Variants in ADGRL3 observed in about 807,000 individuals in gnomAD.
ADGRL3 encodes calcium-independent alpha-latrotoxin receptor 3.
In ADGRL3, 62 loss-of-function variants were observed where a neutral mutation model predicts 153.5. The ratio of observed to expected loss-of-function variants is 0.40; its 90% CI spans 0.33 to 0.50. The LOEUF (loss-of-function observed/expected upper bound fraction) is 0.50. ADGRL3 is among the 20% of genes least tolerant of loss of function. The pLI is 0.47. For missense variants in ADGRL3, 1,641 were observed against 1,859.4 expected (o/e 0.88, Z 2.16); for synonymous variants, 710 against 672.5 (o/e 1.06, Z -0.86).
At chr4:61,960,583 T>TAAA (rs1287388721) in intron 17 of ADGRL3, among the ~76,000 whole-genome samples, 1 of 152,238 alleles carries the variant, frequency 6.6e-6, no homozygotes, top group Non-Finnish European at 1.5e-5. Flanking sequence ...ATAACATATT[T>TAAA]AATGTTTTAC....
chr4:61,699,720 ATAAT>A (rs964242874), intron 6 of ADGRL3, among the ~76,000 whole-genome samples: 4 of 152,202 alleles, frequency 2.6e-5, no homozygotes, highest in Admixed American at 1.3e-4. Flanking sequence ...TAAAAACATA[ATAAT>A]TAATTCTAGA....
chr4:61,749,744 G>A (rs979623478), intron 8 of ADGRL3, among the ~76,000 whole-genome samples: 2 of 152,048 alleles, frequency 1.3e-5, no homozygotes, highest in Non-Finnish European at 2.9e-5. Context: ...AGCTTTAGGA[G>A]ATATACCTAA....
intron 1 of ADGRL3, among the ~76,000 whole-genome samples, chr4:61,345,695 C>A (rs970171898): frequency 6.6e-6 from 1 of 152,180 alleles, no homozygotes; most frequent in Non-Finnish European, 1.5e-5. Flanking sequence ...GCATATTACA[C>A]TTTTCTGTTT....
intron 9 of ADGRL3, among the ~76,000 whole-genome samples, chr4:61,830,893 T>C (rs772388683): frequency 6.6e-6 from 1 of 152,144 alleles, no homozygotes. Flanking sequence ...TTGTTTTATT[T>C]TATTATTTTA....
intron 2 of ADGRL3, among the ~76,000 whole-genome samples, chr4:61,466,419 C>G (rs1181261449): frequency 6.6e-6 from 1 of 152,060 alleles, no homozygotes; most frequent in African/African-American, 2.4e-5. Context: ...ATATAGGTAC[C>G]AAGAATAAAA....
chr4:61,311,393 A>G (rs958437480), intron 1 of ADGRL3, among the ~76,000 whole-genome samples: 1 of 152,210 alleles, frequency 6.6e-6, no homozygotes, highest in Non-Finnish European at 1.5e-5. Flanking sequence ...CTCACATTTT[A>G]TAAGCCAAAA....
At chr4:61,279,723 T>C (rs2093637600) in intron 1 of ADGRL3, among the ~76,000 whole-genome samples, 1 of 152,130 alleles carries the variant, frequency 6.6e-6, no homozygotes, top group Admixed American at 6.6e-5. Flanking sequence ...CCATCTATTA[T>C]GTATATATTT....
chr4:61,866,042 G>A (rs541581385), intron 9 of ADGRL3, among the ~76,000 whole-genome samples: 3 of 152,146 alleles, frequency 2.0e-5, no homozygotes, highest in African/African-American at 7.2e-5. Flanking sequence ...TGTGCTCCTG[G>A]GAATCCAGTT....
chr4:61,280,092 C>A (rs1255405938), intron 1 of ADGRL3, among the ~76,000 whole-genome samples: 4 of 129,294 alleles, frequency 3.1e-5, no homozygotes, highest in Admixed American at 9.5e-5. Context: ...AAAGTATTTT[C>A]TTTTCTTTTC....
At chr4:61,440,194 A>G (rs376695056) in intron 2 of ADGRL3, among the ~76,000 whole-genome samples, 2 of 151,986 alleles carry the variant, frequency 1.3e-5, no homozygotes, top group South Asian at 4.2e-4. Context: ...GATCACAGGC[A>G]TGCGCCACCA....
intron 9 of ADGRL3, among the ~76,000 whole-genome samples, chr4:61,868,543 A>G (rs149636678): frequency 7.2e-5 from 11 of 152,264 alleles, no homozygotes; most frequent in Non-Finnish European, 1.3e-4. Flanking sequence ...TACAATGCAC[A>G]CTACCTTTTT....
chr4:61,637,065 A>G (rs529316547), intron 5 of ADGRL3, among the ~76,000 whole-genome samples: 2 of 152,230 alleles, frequency 1.3e-5, no homozygotes, highest in African/African-American at 4.8e-5. Context: ...TATGAGCAAA[A>G]ACTAAGACCA....
chr4:61,751,375 A>G (rs1405554495), intron 8 of ADGRL3, among the ~76,000 whole-genome samples: 2 of 152,178 alleles, frequency 1.3e-5, no homozygotes, highest in Non-Finnish European at 2.9e-5. Flanking sequence ...TTGAGATTAC[A>G]TATTTAACCC....
chr4:61,924,597 C>G (rs1227127196), intron 13 of ADGRL3, among the ~76,000 whole-genome samples: 2 of 152,106 alleles, frequency 1.3e-5, no homozygotes, highest in Non-Finnish European at 2.9e-5. Context: ...AGTGGTTGAG[C>G]CCCACCTCCC....
intron 1 of ADGRL3, among the ~76,000 whole-genome samples, chr4:61,381,333 G>A (rs2096665979): frequency 6.9e-6 from 1 of 144,700 alleles, no homozygotes; most frequent in Admixed American, 7.0e-5. Context: ...GTGTGTGTGT[G>A]TTTAATTAAG....
At chr4:61,226,181 C>A (rs554644514) in intron 1 of ADGRL3, among the ~76,000 whole-genome samples, 5 of 152,078 alleles carry the variant, frequency 3.3e-5, no homozygotes, top group Non-Finnish European at 5.9e-5. Context: ...TAAACAGTTA[C>A]AATTATCCTG....
intron 9 of ADGRL3, among the ~76,000 whole-genome samples, chr4:61,854,256 C>G (rs1196829264): frequency 6.6e-6 from 1 of 152,156 alleles, no homozygotes; most frequent in Non-Finnish European, 1.5e-5. Context: ...CATCCAGCAC[C>G]CATGTGTTGT....
chr4:61,436,034 C>G (rs1267064408), intron 2 of ADGRL3, among the ~76,000 whole-genome samples: 1 of 151,868 alleles, frequency 6.6e-6, no homozygotes, highest in Admixed American at 6.6e-5. Flanking sequence ...AATTAAAAAC[C>G]TTTTGAATGC....
At chr4:61,642,299 C>A (rs2093718329) in intron 5 of ADGRL3, among the ~76,000 whole-genome samples, 1 of 152,230 alleles carries the variant, frequency 6.6e-6, no homozygotes, top group East Asian at 1.9e-4. Context: ...TAATTAGATC[C>A]CATTTGTCAA....
Sources: allele counts gnomAD v4.1 joint callset (sites outside exome capture counted in the v4.1 genomes callset), GRCh38; gene constraint gnomAD v4.1.1; transcripts MANE v1.5; gene names NCBI Gene and HGNC (gene_info 2026-07-23, HGNC 2026-07-21).